Variants in EMP1 observed in about 807,000 individuals in gnomAD.
The protein encoded by EMP1 is tumor-associated membrane protein.
A neutral mutation model predicts 15.7 loss-of-function variants in EMP1; 5 were observed. The observed-to-expected ratio is 0.32, with a 90% CI of 0.17 to 0.67. The LOEUF is 0.67. Among genes scored for constraint, EMP1 ranks in the 30% least tolerant of loss-of-function variants. The pLI, the probability that EMP1 is intolerant of heterozygous loss-of-function variation, is 0.74. For missense variants in EMP1, 166 were observed against 194.2 expected (o/e 0.85, Z 0.86); for synonymous variants, 78 against 76.7 (o/e 1.02, Z -0.09).
intron 1 of EMP1, among the ~76,000 whole-genome samples, chr12:13,204,764 G>A (rs745684426): frequency 6.6e-6 from 1 of 152,174 alleles, no homozygotes; most frequent in Non-Finnish European, 1.5e-5. Context: ...TTTCTCCAAA[G>A]TTTACAGTTA....
chr12:13,198,338 G>A (rs918994814), intron 1 of EMP1, among the ~76,000 whole-genome samples: 1 of 151,968 alleles, frequency 6.6e-6, no homozygotes, highest in Non-Finnish European at 1.5e-5. Flanking sequence ...CATAGACACT[G>A]GTATATTTTT....
At chr12:13,205,718 T>C (rs1864105540) in intron 1 of EMP1, among the ~76,000 whole-genome samples, 5 of 152,212 alleles carry the variant, frequency 3.3e-5, no homozygotes, top group Admixed American at 3.3e-4. Context: ...TAAAAAGCTA[T>C]GTGAGGGCAA....
rs117314428 is a variant in EMP1, at chr12:13,204,387, C to G, written c.-42-7082C>G. On this transcript the variant is annotated intron_variant, in intron 1 of 4. Coordinates refer to ENST00000256951, the MANE Select transcript of EMP1 (RefSeq NM_001423.3). ...CACTCAGCCTGCCTTTAATCCCAGT[C>G]TTTTCCTCCTCCAGACACATCCTCT... is the stretch of plus-strand genomic sequence containing the variant. 8.6e-3 allele frequency among the ~76,000 whole-genome samples: 1,306 copies of G among 152,338 alleles called. 68 individuals are homozygous for G. In the East Asian group the frequency reaches 0.13, roughly 15 times the overall value.
At chr12:13,214,494 T>A in intron 4 of EMP1, 40 bp from the exon 5 acceptor site, 3 of 1,595,896 alleles carry the variant, frequency 1.9e-6, no homozygotes, top group Non-Finnish European at 2.6e-6. Flanking sequence ...TCGACTTTAA[T>A]GTAAGAAAAC....
At position 13,211,292 on chromosome 12, in the gene EMP1, C is replaced by T. The variant is rs145768784; in HGVS notation, c.-42-177C>T. Among the ~76,000 whole-genome samples, 8 of 152,198 alleles carry T rather than the reference C, an allele frequency of 5.3e-5. No homozygotes were observed. Among genetic ancestry groups the T allele is most frequent in the Non-Finnish European group, 1.2e-4 (8 of 68,014 alleles). ...AGGTATGTATAACTGGATGAATAGG[C>T]ACTTAGGCAAATCAGAACTAGGTTA... is the stretch of plus-strand genomic sequence containing the variant. On this transcript the variant is annotated intron_variant, in intron 1 of 4. Coordinates refer to ENST00000256951, the MANE Select transcript of EMP1 (RefSeq NM_001423.3). This position sits in a 1 kb window ranked among gnomAD's most constrained non-coding sequence, Gnocchi z 4.7.
At position 13,216,727 on chromosome 12, in the gene EMP1, A is replaced by G. The variant is rs1224031331; in HGVS notation, c.*2036A>G. 1 of 363,360 alleles carries G rather than the reference A, an allele frequency of 2.8e-6. No individual in the cohort carries two copies. Among genetic ancestry groups the G allele is most frequent in the Non-Finnish European group, 4.9e-6 (1 of 204,106 alleles). The allele number at this position is 363,360 out of a possible 1,614,324, so 22.5% of individuals were successfully genotyped here. A position where few individuals can be genotyped will look rare whatever the true frequency, so the allele number is the denominator to read the frequency against. The stretch of plus-strand genomic sequence containing the variant: ...ACTATAATTGTAAATATTTTGATAC[A>G]AATGTTTATAACTCTAGGGATATAA... On this transcript the variant is annotated 3_prime_UTR_variant, in exon 5 of 5. Coordinates refer to ENST00000256951, the MANE Select transcript of EMP1 (RefSeq NM_001423.3).
Position 13,216,508 on chromosome 12 carries a change from A to C in EMP1, c.*1817A>C. 2.9e-6 allele frequency: 2 copies of C among 700,128 alleles called. No individual in the cohort carries two copies. The highest frequency in any genetic ancestry group is 5.2e-6 in the Non-Finnish European group (2 of 383,700). 43.4% of individuals were successfully genotyped at this position (700,128 alleles called of 1,614,324 possible). On this transcript the variant is annotated 3_prime_UTR_variant, in exon 5 of 5. Coordinates refer to ENST00000256951, the MANE Select transcript of EMP1 (RefSeq NM_001423.3). ...AGAAGGCTGTCTTAGTGCAAAAAAC[A>C]TACTTACATTTCAGACATATCCAAA...
chr12:13,214,508 C>T, intron 4 of EMP1, 26 bp from the exon 5 acceptor site: 1 of 1,604,908 alleles, frequency 6.2e-7, no homozygotes, highest in Non-Finnish European at 8.5e-7. Context: ...AGAAAACACA[C>T]CGACAAATCT....
intron 1 of EMP1, among the ~76,000 whole-genome samples, chr12:13,206,625 C>T (rs570260408): frequency 1.1e-4 from 16 of 152,172 alleles, no homozygotes; most frequent in Admixed American, 2.6e-4. Context: ...TTGCTGCTGC[C>T]GCCAGGCCCC....
In EMP1 at chr12:13,211,597, T is replaced by C; in HGVS notation, c.78+9T>C. The C allele has an allele frequency of 1.2e-6, 2 of 1,612,088 alleles. No homozygotes were observed. The highest frequency in any genetic ancestry group is 1.7e-6 in the Non-Finnish European group (2 of 1,179,248). ...TTAGCACCATTGCCAATGTGAGTAATGTTCTTTTGTTCATTCATTCATTGA... is the reference window on the plus strand; with the variant it reads ...TTAGCACCATTGCCAATGTGAGTAACGTTCTTTTGTTCATTCATTCATTGA... On this transcript the variant is annotated intron_variant, in intron 2 of 4. Transcript: ENST00000256951. This position sits in a 1 kb window ranked among gnomAD's most constrained non-coding sequence, Gnocchi z 4.7.
chr12:13,197,502 A>C (rs1319210197), intron 1 of EMP1, among the ~76,000 whole-genome samples: 1 of 152,154 alleles, frequency 6.6e-6, no homozygotes, highest in African/African-American at 2.4e-5. Flanking sequence ...TTGGCCGGGC[A>C]CGGTGGCTCA....
intron 1 of EMP1, chr12:13,209,366 C>G (rs906239533): frequency 6.6e-6 from 1 of 152,070 alleles, no homozygotes; most frequent in Non-Finnish European, 1.5e-5. Context: ...GGTCTCCCCC[C>G]TTAAGGGGCA....
intron 1 of EMP1, among the ~76,000 whole-genome samples, chr12:13,208,013 C>T (rs764615933): frequency 2.6e-5 from 4 of 152,296 alleles, no homozygotes; most frequent in South Asian, 2.1e-4. Flanking sequence ...TCTTGGTTTG[C>T]GCTGCCTCAC....
At chr12:13,199,834 T>C (rs923354695) in intron 1 of EMP1, among the ~76,000 whole-genome samples, 27 of 152,258 alleles carry the variant, frequency 1.8e-4, no homozygotes, top group African/African-American at 6.0e-4. Context: ...TCAGAAAATA[T>C]CTATTCTGGT....
At chr12:13,207,469 G>T (rs912135413) in intron 1 of EMP1, among the ~76,000 whole-genome samples, 2 of 152,186 alleles carry the variant, frequency 1.3e-5, no homozygotes, top group African/African-American at 4.8e-5. Context: ...CTCTAGTGTG[G>T]TCTGGGCAAT....
At position 13,211,505 on chromosome 12, in the gene EMP1, G is replaced by A. The variant is rs1299565611; in HGVS notation, c.-6G>A. ...CTCACAAGTTACCAAAAAAAAAAGA[G>A]CCAACATGTTGGTATTGCTGGCTGG... On this transcript the variant is annotated 5_prime_UTR_variant, in exon 2 of 5. Transcript: ENST00000256951. The surrounding 1 kb of genome is among the most constrained non-coding windows in gnomAD (Gnocchi z 4.7). The A allele has an allele frequency of 1.2e-6, 2 of 1,610,782 alleles. No homozygotes were observed. Among genetic ancestry groups the A allele is most frequent in the Non-Finnish European group, 1.7e-6 (2 of 1,179,028 alleles).
intron 1 of EMP1, among the ~76,000 whole-genome samples, chr12:13,198,189 G>A (rs1479497733): frequency 4.6e-5 from 7 of 152,244 alleles, no homozygotes; most frequent in Non-Finnish European, 8.8e-5. Flanking sequence ...TTCCCGAAAT[G>A]TGATTGTATA....
intron 1 of EMP1, among the ~76,000 whole-genome samples, chr12:13,209,886 A>G (rs1402836527): frequency 1.3e-5 from 2 of 152,180 alleles, no homozygotes; most frequent in African/African-American, 4.8e-5. Context: ...TCCCCTGAAG[A>G]GGCAGGATAA....
Position 13,216,569 on chromosome 12 carries a change from G to T in EMP1, c.*1878G>T. 2 of 662,832 alleles carry T rather than the reference G, an allele frequency of 3.0e-6. No individual in the cohort carries two copies. The highest frequency in any genetic ancestry group is 3.4e-5 in the South Asian group (2 of 59,590). 41.1% of individuals were successfully genotyped at this position (662,832 alleles called of 1,614,324 possible). On this transcript the variant is annotated 3_prime_UTR_variant, in exon 5 of 5. Coordinates refer to ENST00000256951, the MANE Select transcript of EMP1 (RefSeq NM_001423.3). ...ACATTTTGTTAAGAAGTTGAACTAT[G>T]ACTGGAGTAAACCATGTATTCCCTT...
Sources: gnomAD v4.1 joint callset for allele counts (sites outside exome capture counted in the v4.1 genomes callset) on GRCh38, gnomAD v4.1.1 for gene constraint, Gnocchi (gnomAD v3.1) non-coding constraint, MANE v1.5 for transcripts, NCBI Gene and HGNC (gene_info 2026-07-23, HGNC 2026-07-21) for gene names.